The following ADAMTS19 variants were observed in gnomAD, a reference collection of about 807,000 sequenced individuals.
ADAMTS19 encodes the protein ADAM metallopeptidase with thrombospondin type 1 motif 19.
In ADAMTS19, 93 loss-of-function variants were observed where a neutral mutation model predicts 153.3. The observed-to-expected ratio is 0.61, with a 90% CI of 0.51 to 0.72. The LOEUF is 0.72. Ranked by LOEUF, ADAMTS19 falls within the 30% of genes least tolerant of loss-of-function variation. The pLI is 0.00. For missense variants in ADAMTS19, 1,482 were observed against 1,552.1 expected (o/e 0.95, Z 0.76); for synonymous variants, 600 against 556.6 (o/e 1.08, Z -1.10).
intron 2 of ADAMTS19, among the ~76,000 whole-genome samples, chr5:129,498,899 C>T (rs1482416990): frequency 2.0e-5 from 3 of 150,546 alleles, no homozygotes; most frequent in African/African-American, 7.3e-5. Flanking sequence ...TTTGTCTGTC[C>T]TTCCCTCATC....
At chr5:129,500,809 A>T (rs1173058726) in intron 2 of ADAMTS19, among the ~76,000 whole-genome samples, 1 of 152,136 alleles carries the variant, frequency 6.6e-6, no homozygotes, top group Non-Finnish European at 1.5e-5. Context: ...ACTAATAAGC[A>T]TTTATTGAAT....
intron 11 of ADAMTS19, among the ~76,000 whole-genome samples, chr5:129,645,029 G>GACATCTTCACAGACCCCTTTC (rs1462785454): frequency 3.3e-5 from 5 of 152,048 alleles, no homozygotes; most frequent in African/African-American, 1.2e-4. Flanking sequence ...AGGCTCCTTT[G>GACATCTTCACAGACCCCTTTC]ACATCTTCAC....
At chr5:129,505,732 A>G (rs1278048419) in intron 2 of ADAMTS19, among the ~76,000 whole-genome samples, 1 of 152,184 alleles carries the variant, frequency 6.6e-6, no homozygotes, top group Non-Finnish European at 1.5e-5. Flanking sequence ...TGAGAAATCA[A>G]ATAACATTAA....
chr5:129,461,092 C>G lies in ADAMTS19; in HGVS notation c.92-10C>G. 1.4e-6 allele frequency: 2 copies of G among 1,387,700 alleles called. No homozygotes were observed. Among genetic ancestry groups the G allele is most frequent in the African/African-American group, 1.5e-5 (1 of 66,248 alleles). 86.0% of individuals were successfully genotyped at this position (1,387,700 alleles called of 1,614,324 possible). A position where few individuals can be genotyped will look rare whatever the true frequency, so the allele number is the denominator to read the frequency against. ...TTTAAGCCCCGCACTTCTGTCTGCC[C>G]CGCCCGCAGAGCTGCAGTTCGCCCC... On this transcript the variant is annotated splice_polypyrimidine_tract_variant and intron_variant, in intron 1 of 22. Coordinates refer to ENST00000274487, the MANE Select transcript of ADAMTS19 (RefSeq NM_133638.6). This position sits in a 1 kb window ranked among gnomAD's most constrained non-coding sequence, Gnocchi z 4.6.
chr5:129,527,633 T>TA (rs373626538), intron 4 of ADAMTS19, 115 bp from the exon 5 acceptor site: 1,862 of 164,742 alleles, frequency 0.011, 36 homozygotes, highest in African/African-American at 0.042. Context: ...TTTTTTTTTT[T>TA]AAAAAAAAAA....
chr5:129,561,661 A>T (rs914571332), intron 7 of ADAMTS19, among the ~76,000 whole-genome samples: 1 of 152,212 alleles, frequency 6.6e-6, no homozygotes, highest in East Asian at 1.9e-4. Flanking sequence ...CATAGGATGA[A>T]CTTTCACACT....
chr5:129,704,101 C>A, intron 20 of ADAMTS19, 138 bp from the exon 21 acceptor site: 1 of 884,798 alleles, frequency 1.1e-6, no homozygotes, highest in Non-Finnish European at 1.7e-6. Flanking sequence ...TACCTTTAAA[C>A]TTATTATTTA....
chr5:129,640,371 T>C (rs1752739258), intron 10 of ADAMTS19, among the ~76,000 whole-genome samples: 1 of 152,174 alleles, frequency 6.6e-6, no homozygotes, highest in Non-Finnish European at 1.5e-5. Context: ...GGTAATTAAA[T>C]ATTAATATAT....
chr5:129,640,400 A>C (rs1752739985), intron 10 of ADAMTS19, among the ~76,000 whole-genome samples: 1 of 152,192 alleles, frequency 6.6e-6, no homozygotes, highest in Non-Finnish European at 1.5e-5. Flanking sequence ...TGTATGTTTC[A>C]AATAGGTCTG....
rs185922811 is a variant in ADAMTS19 at position 129,728,416 on chromosome 5, G to T, written c.3313-6516G>T. On this transcript the variant is annotated intron_variant, in intron 21 of 22. Coordinates refer to ENST00000274487, the MANE Select transcript of ADAMTS19 (RefSeq NM_133638.6). ...TAGGGTACATGTACACAACGTGCAG[G>T]TTTGTTACATATGTATACCGTTCAG... Among the ~76,000 whole-genome samples, 17 of 152,052 alleles carry T rather than the reference G, an allele frequency of 1.1e-4. No individual in the cohort carries two copies. The East Asian group carries it at 3.3e-3, about 29-fold the overall frequency.
chr5:129,620,705 T>A lies in ADAMTS19; in HGVS notation c.1566T>A (p.Leu522=), dbSNP rs140955172. The A allele has an allele frequency of 1.6e-5, 26 of 1,613,164 alleles. No homozygotes were observed. The highest frequency in any genetic ancestry group is 2.1e-5 in the Non-Finnish European group (25 of 1,179,426). The change falls in exon 9 of 23, where the codon CTT becomes CTA. Residue 522 remains leucine, a synonymous_variant. Coordinates refer to ENST00000274487, the MANE Select transcript of ADAMTS19 (RefSeq NM_133638.6). ...MSGEWIKGQN[L]GDVSWSRCSK... ...GTGAATGGATTAAAGGACAGAATCT[T>A]GGTGACGTTTCATGGTCTCGATGTA...
intron 6 of ADAMTS19, among the ~76,000 whole-genome samples, chr5:129,529,109 A>G (rs1164410696): frequency 6.6e-6 from 1 of 152,156 alleles, no homozygotes; most frequent in Non-Finnish European, 1.5e-5. Flanking sequence ...TCTCTGACTG[A>G]TTAATTATAA....
rs1231945948 is a variant in ADAMTS19 at position 129,735,604 on chromosome 5, A to T, written c.3490+495A>T. ...AAACAAGAAGTTCTATTTTCTTTTT[A>T]AGTTTTGAGAATATGATACTAAATA... On this transcript the variant is annotated intron_variant, in intron 22 of 22. Transcript: ENST00000274487. Among the ~76,000 whole-genome samples, 5 of 152,010 alleles carry T rather than the reference A, an allele frequency of 3.3e-5. No individual in the cohort carries two copies. The East Asian group carries it at 9.7e-4, about 29-fold the overall frequency.
intron 8 of ADAMTS19, among the ~76,000 whole-genome samples, chr5:129,606,413 C>T (rs1750896456): frequency 6.6e-6 from 1 of 152,198 alleles, no homozygotes; most frequent in South Asian, 2.1e-4. Context: ...TAATCTGTGG[C>T]CAAATTCTAT....
rs761429937 is a variant in ADAMTS19 at position 129,694,755 on chromosome 5, A to G, written c.2854A>G (p.Met952Val). 8 of 1,606,614 alleles carry G rather than the reference A, an allele frequency of 5.0e-6. No individual in the cohort carries two copies. Among genetic ancestry groups the G allele is most frequent in the Non-Finnish European group, 6.8e-6 (8 of 1,176,232 alleles). The stretch of plus-strand genomic sequence containing the variant: ...GACAACAGTGTCCTGCACAAAAATC[A>G]TGAGCAAAAATATCAGCATTGTGGA... ...RKTTVSCTKIMSKNISIVDNE... is the reference protein window; with the variant it reads ...RKTTVSCTKIVSKNISIVDNE... Residue 952 changes from methionine to valine, a missense_variant, in exon 19 of 23, where the codon ATG becomes GTG. Coordinates refer to ENST00000274487, the MANE Select transcript of ADAMTS19 (RefSeq NM_133638.6).
intron 14 of ADAMTS19, among the ~76,000 whole-genome samples, chr5:129,654,935 A>G (rs895845236): frequency 2.6e-5 from 4 of 152,174 alleles, no homozygotes; most frequent in Non-Finnish European, 5.9e-5. Flanking sequence ...CTTTTAAAAA[A>G]TTTCCATTTA....
intron 2 of ADAMTS19, among the ~76,000 whole-genome samples, chr5:129,467,727 A>G (rs1749917143): frequency 6.6e-6 from 1 of 152,204 alleles, no homozygotes; most frequent in Non-Finnish European, 1.5e-5. Context: ...AGGCCAAAGT[A>G]AAATCATTTG....
At chr5:129,475,420 G>A (rs563360874) in intron 2 of ADAMTS19, among the ~76,000 whole-genome samples, 1 of 152,186 alleles carries the variant, frequency 6.6e-6, no homozygotes, top group South Asian at 2.1e-4. Context: ...TACTTATACT[G>A]TTGTTTTGAT....
At chr5:129,633,384 A>AGG (rs1253490934) in intron 10 of ADAMTS19, among the ~76,000 whole-genome samples, 22 of 152,322 alleles carry the variant, frequency 1.4e-4, no homozygotes, top group African/African-American at 5.3e-4. Flanking sequence ...TTTTAAAGAA[A>AGG]GGGTTGCATT....
Sources: gnomAD v4.1 joint callset for allele counts (sites outside exome capture counted in the v4.1 genomes callset) on GRCh38, gnomAD v4.1.1 for gene constraint, Gnocchi (gnomAD v3.1) non-coding constraint, MANE v1.5 for transcripts, NCBI Gene and HGNC (gene_info 2026-07-23, HGNC 2026-07-21) for gene names.